The following GTF2IRD1 variants were observed in gnomAD, a reference collection of about 807,000 sequenced individuals.
GTF2IRD1 encodes the protein general transcription factor II-I repeat domain-containing protein 1.
A neutral mutation model predicts 113.2 loss-of-function variants in GTF2IRD1; 26 were observed. The ratio of observed to expected loss-of-function variants is 0.23; its 90% CI spans 0.17 to 0.32. The LOEUF is 0.32. GTF2IRD1 is among the 10% of genes least tolerant of loss of function. GTF2IRD1 has a pLI of 1.00. For missense variants in GTF2IRD1, 864 were observed against 1,280.8 expected, an observed-to-expected ratio of 0.67 and a Z score of 4.97; for synonymous variants, 484 against 529.1, an observed-to-expected ratio of 0.91 and a Z score of 1.17.
chr7:74,546,487 G>T (rs587740470), intron 16 of GTF2IRD1, among the ~76,000 whole-genome samples: 2 of 152,190 alleles, frequency 1.3e-5, no homozygotes, highest in African/African-American at 2.4e-5. Context: ...CTCCCAAAGT[G>T]CAGGGATTAT....
At chr7:74,540,318 G>A (rs1554351379) in intron 14 of GTF2IRD1, among the ~76,000 whole-genome samples, 1 of 151,980 alleles carries the variant, frequency 6.6e-6, no homozygotes, top group Admixed American at 6.6e-5. Flanking sequence ...AGCTAATTTT[G>A]TATTTTTAGT....
intron 22 of GTF2IRD1, among the ~76,000 whole-genome samples, chr7:74,581,939 G>A (rs1583950321): frequency 2.0e-5 from 3 of 152,124 alleles, no homozygotes; most frequent in South Asian, 2.1e-4. Flanking sequence ...CTCAGGAGGC[G>A]GAGGTTACAG....
chr7:74,525,062 G>T (rs1230726373), intron 8 of GTF2IRD1, among the ~76,000 whole-genome samples: 1 of 151,882 alleles, frequency 6.6e-6, no homozygotes, highest in African/African-American at 2.4e-5. Context: ...AAAACAGATT[G>T]CCCATCAGGG....
intron 1 of GTF2IRD1, among the ~76,000 whole-genome samples, chr7:74,481,311 C>T (rs1160217250): frequency 2.6e-5 from 4 of 152,140 alleles, no homozygotes; most frequent in African/African-American, 4.8e-5. Flanking sequence ...CGTGCCACCA[C>T]GCCCGGCTCA....
intron 10 of GTF2IRD1, among the ~76,000 whole-genome samples, chr7:74,535,867 A>T (rs1039709278): frequency 1.3e-5 from 2 of 152,126 alleles, no homozygotes; most frequent in Non-Finnish European, 2.9e-5. Flanking sequence ...CAGCCCCCAT[A>T]GTGTGTTGGA....
intron 22 of GTF2IRD1, among the ~76,000 whole-genome samples, chr7:74,585,884 CA>C (rs60492561): frequency 5.5e-4 from 76 of 136,982 alleles, no homozygotes; most frequent in Admixed American, 5.9e-4. Context: ...AAGACTCTTC[CA>C]AAAAAAAAAA....
chr7:74,567,197 G>A (rs1202576473), intron 22 of GTF2IRD1, among the ~76,000 whole-genome samples: 6 of 151,932 alleles, frequency 3.9e-5, no homozygotes, highest in Non-Finnish European at 8.8e-5. Context: ...GCATGGTGGC[G>A]CATGCCTGTA....
intron 1 of GTF2IRD1, among the ~76,000 whole-genome samples, chr7:74,486,762 A>G (rs1303809114): frequency 6.6e-6 from 1 of 151,742 alleles, no homozygotes; most frequent in Non-Finnish European, 1.5e-5. Context: ...GCTTGAGCCT[A>G]GGAGTTCAGG....
rs781919005 is a variant in GTF2IRD1, at chr7:74,547,241, G to A, written c.1871G>A (p.Arg624Gln). 9.9e-6 allele frequency: 16 copies of A among 1,612,846 alleles called. No individual in the cohort carries two copies. In the East Asian group the frequency reaches 1.1e-4, roughly 11 times the overall value. Reference sequence around the variant, plus strand: ...AACTGCTTCGGGATCGCCAAGCTCCGGAAGATTCTGGAGGCCAGCAACAGC... The same window carrying A: ...AACTGCTTCGGGATCGCCAAGCTCCAGAAGATTCTGGAGGCCAGCAACAGC... ...RPNCFGIAKL[R>Q]KILEASNSIQ... Residue 624 changes from arginine (R) to glutamine (Q), a missense_variant, in exon 17 of 27, where the codon CGG becomes CAG. Coordinates refer to ENST00000424337, the MANE Select transcript of GTF2IRD1 (RefSeq NM_005685.4).
chr7:74,479,504 G>A (rs1450131017), intron 1 of GTF2IRD1, among the ~76,000 whole-genome samples: 4 of 152,094 alleles, frequency 2.6e-5, no homozygotes, highest in African/African-American at 7.2e-5. Flanking sequence ...AGGGGAGGTG[G>A]GTGCTGCGGT....
At chr7:74,602,310 G>C in intron 26 of GTF2IRD1, 55 bp from the exon 27 acceptor site, 1 of 1,581,396 alleles carries the variant, frequency 6.3e-7, no homozygotes, top group Non-Finnish European at 8.6e-7. Flanking sequence ...AAGCATTTTG[G>C]GTTTGTTCCG....
chr7:74,502,189 T>C (rs1047200901), intron 1 of GTF2IRD1, among the ~76,000 whole-genome samples: 1 of 152,222 alleles, frequency 6.6e-6, no homozygotes, highest in Non-Finnish European at 1.5e-5. Context: ...TCCTCCCACC[T>C]TGGCCTCCCA....
chr7:74,559,612 C>G lies in GTF2IRD1; in HGVS notation c.2292-15C>G, dbSNP rs138980775. The G allele has an allele frequency of 7.2e-4, 1,138 of 1,588,104 alleles. 12 individuals are homozygous for G. In the African/African-American group the frequency reaches 0.014, roughly 19 times the overall value. On this transcript the variant is annotated splice_polypyrimidine_tract_variant and intron_variant, in intron 21 of 26. Coordinates refer to ENST00000424337, the MANE Select transcript of GTF2IRD1 (RefSeq NM_005685.4). Reference sequence around the variant, plus strand: ...GGCCCTCCCCATGACACCCCTGCCTCTGTTTCTCTTCTAGGCCTTTCCAAG... The same window carrying G: ...GGCCCTCCCCATGACACCCCTGCCTGTGTTTCTCTTCTAGGCCTTTCCAAG...
At chr7:74,557,458 C>T (rs755380276) in intron 19 of GTF2IRD1, among the ~76,000 whole-genome samples, 181 bp from the exon 20 acceptor site, 77 of 152,158 alleles carry the variant, frequency 5.1e-4, no homozygotes, top group Non-Finnish European at 1.0e-3. Flanking sequence ...AGTGCATGTC[C>T]TTCTGAAAAA....
chr7:74,457,877 G>GTTTT (rs1219714627), intron 1 of GTF2IRD1, among the ~76,000 whole-genome samples: 3 of 122,782 alleles, frequency 2.4e-5, no homozygotes, highest in East Asian at 2.3e-4. Flanking sequence ...TTACGTTTTT[G>GTTTT]TTTTTTTTTT....
chr7:74,540,040 A>G, intron 14 of GTF2IRD1, 72 bp downstream of exon 14: 3 of 1,075,898 alleles, frequency 2.8e-6, no homozygotes, highest in Non-Finnish European at 4.3e-6. Flanking sequence ...GGGGTGGGCC[A>G]GGCCGTCCCC....
chr7:74,513,770 G>A (rs924443536), intron 3 of GTF2IRD1, among the ~76,000 whole-genome samples: 3 of 152,146 alleles, frequency 2.0e-5, no homozygotes, highest in Admixed American at 6.6e-5. Context: ...CTAGCACTTC[G>A]GGAGGCTGAA....
chr7:74,545,644 A>C, intron 15 of GTF2IRD1, 100 bp from the exon 16 acceptor site: 1 of 821,330 alleles, frequency 1.2e-6, no homozygotes, highest in Non-Finnish European at 2.1e-6. Context: ...CCCCCATTCC[A>C]AGATCCCACC....
intron 22 of GTF2IRD1, among the ~76,000 whole-genome samples, chr7:74,576,430 G>A (rs1554364568): frequency 6.7e-6 from 1 of 150,306 alleles, no homozygotes; most frequent in African/African-American, 2.4e-5. Context: ...GTGTGGTGGT[G>A]CGCACTTGTA....
Sources: gnomAD v4.1 joint callset for allele counts (sites outside exome capture counted in the v4.1 genomes callset) on GRCh38, gnomAD v4.1.1 for gene constraint, MANE v1.5 for transcripts, NCBI Gene and HGNC (gene_info 2026-07-23, HGNC 2026-07-21) for gene names.